Variants in ENTPD6 observed in about 807,000 individuals in gnomAD.
ENTPD6 encodes the protein CD39 antigen-like 2.
In ENTPD6, 46 loss-of-function variants were observed where a neutral mutation model predicts 61.5. That is an observed-to-expected ratio of 0.75 (90% CI 0.59 to 0.96). The LOEUF (loss-of-function observed/expected upper bound fraction) is 0.96. ENTPD6 is among the 40% of genes least tolerant of loss of function. The pLI, the probability that ENTPD6 is intolerant of heterozygous loss-of-function variation, is 0.00. For missense variants in ENTPD6, 612 were observed against 629.0 expected, an observed-to-expected ratio of 0.97 and a Z score of 0.29; for synonymous variants, 252 against 255.5, an observed-to-expected ratio of 0.99 and a Z score of 0.13.
chr20:25,217,084 A>T (rs2092358713), intron 8 of ENTPD6, among the ~76,000 whole-genome samples: 1 of 152,198 alleles, frequency 6.6e-6, no homozygotes, highest in South Asian at 2.1e-4. Context: ...GATTTTGTCC[A>T]GTTCATAGGT....
intron 6 of ENTPD6, 133 bp downstream of exon 6, chr20:25,215,075 T>C: frequency 1.6e-6 from 1 of 633,436 alleles, no homozygotes; most frequent in Non-Finnish European, 2.8e-6. Flanking sequence ...GATGCTCAAG[T>C]AAAGAATCAT....
intron 6 of ENTPD6, 80 bp from the exon 7 acceptor site, chr20:25,215,596 A>T: frequency 2.1e-6 from 3 of 1,448,904 alleles, no homozygotes; most frequent in Non-Finnish European, 2.9e-6. Flanking sequence ...CAGATCTGCA[A>T]ATAGTCATTT....
chr20:25,196,290 A>ACACCCTC, intron 1 of ENTPD6: 1 of 975,192 alleles, frequency 1.0e-6, no homozygotes, highest in Non-Finnish European at 1.2e-6. Flanking sequence ...CTGAGGGTGT[A>ACACCCTC]AGGACGATTC....
chr20:25,197,727 C>CAAG (rs1221667102), intron 1 of ENTPD6, among the ~76,000 whole-genome samples: 2 of 152,228 alleles, frequency 1.3e-5, no homozygotes, highest in Non-Finnish European at 2.9e-5. Flanking sequence ...CACCCTTGTG[C>CAAG]AAGAGCAAGG....
At chr20:25,206,705 T>A (rs765284062) in intron 2 of ENTPD6, 115 bp downstream of exon 2, 12 of 813,850 alleles carry the variant, frequency 1.5e-5, no homozygotes, top group Non-Finnish European at 2.3e-5. Flanking sequence ...GATACGCGCT[T>A]CTGTTCCCAT....
At chr20:25,224,254 C>T (rs2092730317) in intron 13 of ENTPD6, 97 bp downstream of exon 13, 18 of 1,094,592 alleles carry the variant, frequency 1.6e-5, no homozygotes, top group Middle Eastern at 2.4e-4. Flanking sequence ...GTAGCCCCTC[C>T]TAAACAATGG....
At chr20:25,207,055 C>A in intron 2 of ENTPD6, 21 bp from the exon 3 acceptor site, 1 of 1,581,450 alleles carries the variant, frequency 6.3e-7, no homozygotes, top group South Asian at 1.1e-5. Flanking sequence ...GCTTTTCCTG[C>A]CTCTCCCCCC....
chr20:25,211,406 C>T (rs962668149), intron 4 of ENTPD6, among the ~76,000 whole-genome samples: 3 of 152,220 alleles, frequency 2.0e-5, no homozygotes, highest in Non-Finnish European at 4.4e-5. Flanking sequence ...CCACGCTCCC[C>T]AGGGTAGTAG....
At chr20:25,210,179 G>T (rs141181113) in intron 4 of ENTPD6, among the ~76,000 whole-genome samples, 11 of 152,256 alleles carry the variant, frequency 7.2e-5, no homozygotes, top group Admixed American at 7.2e-4. Flanking sequence ...TGGGGGTCCC[G>T]AGGTCTTGGT....
chr20:25,224,472 A>G (rs2092738379), intron 13 of ENTPD6: 2 of 207,466 alleles, frequency 9.6e-6, no homozygotes, highest in Non-Finnish European at 1.9e-5. Context: ...GCCCTACAGA[A>G]TGGAGCCTGG....
intron 12 of ENTPD6, 72 bp downstream of exon 12, chr20:25,223,050 C>G: frequency 2.0e-6 from 3 of 1,532,916 alleles, no homozygotes; most frequent in Non-Finnish European, 2.6e-6. Context: ...CGTGTGCTCC[C>G]CGAGGCAGAG....
chr20:25,218,732 C>G, intron 10 of ENTPD6, 118 bp downstream of exon 10: 1 of 1,017,240 alleles, frequency 9.8e-7, no homozygotes. Flanking sequence ...TCCCTCTGCC[C>G]CTCCCACCCC....
chr20:25,198,242 G>A (rs1272844815), intron 1 of ENTPD6, among the ~76,000 whole-genome samples: 1 of 152,196 alleles, frequency 6.6e-6, no homozygotes, highest in Non-Finnish European at 1.5e-5. Flanking sequence ...TTGGGAGGCC[G>A]AGGTGGGCAG....
At chr20:25,221,108 A>C (rs2123273020) in intron 10 of ENTPD6, 124 bp from the exon 11 acceptor site, 2 of 681,208 alleles carry the variant, frequency 2.9e-6, no homozygotes, top group Non-Finnish European at 5.1e-6. Context: ...TTCCCAGTGG[A>C]CCTGGAAGCC....
intron 12 of ENTPD6, 27 bp from the exon 13 acceptor site, chr20:25,224,074 G>T: frequency 6.2e-7 from 1 of 1,607,068 alleles, no homozygotes; most frequent in Non-Finnish European, 8.5e-7. Context: ...CAGTGCTCCT[G>T]CAGACTGGGT....
chr20:25,207,160 CT>C lies in ENTPD6; in HGVS notation c.140del (p.Leu47ArgfsTer84). 1.2e-6 allele frequency: 2 copies of C among 1,614,116 alleles called. No individual in the cohort carries two copies. Among genetic ancestry groups the C allele is most frequent in the East Asian group, 4.5e-5 (2 of 44,872 alleles). On this transcript the variant is annotated frameshift_variant, in exon 3 of 15. Transcript: ENST00000376652. LOFTEE classifies it high-confidence loss of function. The stretch of plus-strand genomic sequence containing the variant: ...GCGGGTGGCGAAGGTGGCATACCCC[CT>C]GGGGCTGTGTGTGGGCGTGTTCATC... Reference protein sequence around the residue: ...SLRVAKVAYPLGLCVGVFIYV... With the variant: ...SLRVAKVAYPXGLCVGVFIYV...
chr20:25,222,900 A>G lies in ENTPD6; in HGVS notation c.1108A>G (p.Arg370Gly), dbSNP rs2092685886. 5.0e-6 allele frequency: 8 copies of G among 1,614,102 alleles called. No individual in the cohort carries two copies. Among genetic ancestry groups the G allele is most frequent in the Non-Finnish European group, 6.8e-6 (8 of 1,180,000 alleles). The change falls in exon 12 of 15, where the codon AGG becomes GGG. Residue 370 changes from arginine (R) to glycine (G), a missense_variant. Arg to Gly is a moderately radical substitution (Grantham distance 125). Transcript: ENST00000376652. ...AGAGGTCCTTCAAAACAGAGTGCAC[A>G]GGACGGAGGAAGTGAAGCATGTGGA... ...VSEVLQNRVHRTEEVKHVDFY... is the reference protein window; with the variant it reads ...VSEVLQNRVHGTEEVKHVDFY...
In ENTPD6 at chr20:25,207,408, C is replaced by G; in HGVS notation, c.376+11C>G. On this transcript the variant is annotated intron_variant, in intron 3 of 14. Transcript: ENST00000376652. ...CCCGGCCCCCCAGAGGTACCCGCCTCTCATGGCAGGGCTCTCGGGATCTCC... is the reference window on the plus strand; with the variant it reads ...CCCGGCCCCCCAGAGGTACCCGCCTGTCATGGCAGGGCTCTCGGGATCTCC... 9.2e-6 allele frequency: 14 copies of G among 1,518,466 alleles called. No individual in the cohort carries two copies. Among genetic ancestry groups the G allele is most frequent in the Non-Finnish European group, 1.1e-5 (13 of 1,131,502 alleles). The allele number at this position is 1,518,466 out of a possible 1,614,324, so 94.1% of individuals were successfully genotyped here. A position where few individuals can be genotyped will look rare whatever the true frequency, so the allele number is the denominator to read the frequency against.
At chr20:25,214,659 A>G (rs1322888644) in intron 5 of ENTPD6, 5 of 565,068 alleles carry the variant, frequency 8.8e-6, no homozygotes, top group African/African-American at 5.7e-5. Flanking sequence ...CAATAGCATG[A>G]TGCAAAACCC....
Sources: gnomAD v4.1 joint callset for allele counts (sites outside exome capture counted in the v4.1 genomes callset) on GRCh38, gnomAD v4.1.1 for gene constraint, MANE v1.5 for transcripts, NCBI Gene and HGNC (gene_info 2026-07-23, HGNC 2026-07-21) for gene names.